The following ERMAP variants were observed in gnomAD, a reference collection of about 807,000 sequenced individuals.
The protein encoded by ERMAP is erythroblast membrane associated protein (Scianna blood group).
Under a neutral mutation model 49.5 loss-of-function variants are expected in ERMAP, and 34 were observed. That is an observed-to-expected ratio of 0.69 (90% CI 0.52 to 0.91). ERMAP has a LOEUF of 0.91. Ranked by LOEUF, ERMAP falls within the 40% of genes least tolerant of loss-of-function variation. ERMAP has a pLI of 0.00. For missense variants in ERMAP, 541 were observed against 582.6 expected (o/e 0.93, Z 0.74); for synonymous variants, 214 against 232.2 (o/e 0.92, Z 0.71).
At chr1:42,838,452 C>A (rs1260221039) in intron 7 of ERMAP, among the ~76,000 whole-genome samples, 1 of 152,184 alleles carries the variant, frequency 6.6e-6, no homozygotes, top group Non-Finnish European at 1.5e-5. Flanking sequence ...CTTCTGGGAC[C>A]TCCAATTTGT....
At position 42,819,170 on chromosome 1, in the gene ERMAP, CGTGTGTGTGT is replaced by C. The variant is rs145113385; in HGVS notation, c.-122+1945_-122+1954del. Among the ~76,000 whole-genome samples, 832 of 142,532 alleles carry C rather than the reference CGTGTGTGTGT, an allele frequency of 5.8e-3. 2 individuals carry two copies. Among genetic ancestry groups the C allele is most frequent in the Middle Eastern group, 0.011 (3 of 284 alleles). 93.5% of individuals were successfully genotyped at this position (142,532 alleles called of 152,430 possible). The stretch of plus-strand genomic sequence containing the variant: ...GGTGAGGAAGAGGATAAGTTAGGAG[CGTGTGTGTGT>C]GTGTGTGTGTGTGTGTGTGTGTGTG... On this transcript the variant is annotated intron_variant, in intron 1 of 11. Transcript: ENST00000372517. The surrounding 1 kb of genome is among the most constrained non-coding windows in gnomAD (Gnocchi z 5.1).
At position 42,844,488 on chromosome 1, in the gene ERMAP, GTTATTATAAGGAATTGGCTCACGTGA is replaced by G. The variant is rs1181912988; in HGVS notation, c.*1261_*1286del. 4 of 171,750 alleles carry G rather than the reference GTTATTATAAGGAATTGGCTCACGTGA, an allele frequency of 2.3e-5. No individual in the cohort carries two copies. The highest frequency in any genetic ancestry group is 4.0e-4 in the South Asian group (2 of 4,970). 10.6% of individuals were successfully genotyped at this position (171,750 alleles called of 1,614,324 possible). ...TATATATTGGGGCAGGGGGGCGGTG[GTTATTATAAGGAATTGGCTCACGTGA>G]TTATGGAGGCGGTTAAATCCCAAGA... is the stretch of plus-strand genomic sequence containing the variant. On this transcript the variant is annotated 3_prime_UTR_variant, in exon 12 of 12. Transcript: ENST00000372517. The surrounding 1 kb of genome is among the most constrained non-coding windows in gnomAD (Gnocchi z 4.0).
chr1:42,835,690 A>G, intron 5 of ERMAP, 42 bp from the exon 6 acceptor site: 1 of 1,610,386 alleles, frequency 6.2e-7, no homozygotes, highest in South Asian at 1.1e-5. Context: ...TGTTAGAAAA[A>G]GCCCTTCCTA....
chr1:42,840,101 T>C, intron 9 of ERMAP, 48 bp downstream of exon 9: 1 of 1,614,240 alleles, frequency 6.2e-7, no homozygotes, highest in Non-Finnish European at 8.5e-7. Context: ...TATCTCCTGT[T>C]GCCCTAATAT....
chr1:42,817,511 T>A (rs1051406961), intron 1 of ERMAP: 1 of 159,426 alleles, frequency 6.3e-6, no homozygotes, highest in African/African-American at 2.4e-5. Context: ...CAAAGCTTTT[T>A]CCCGTTATAT....
At chr1:42,834,907 C>A (rs965598147) in intron 4 of ERMAP, 131 bp from the exon 5 acceptor site, 1 of 672,388 alleles carries the variant, frequency 1.5e-6, no homozygotes, top group Non-Finnish European at 2.7e-6. Flanking sequence ...AGCAAAGAGC[C>A]TCTTGGCCGG....
intron 2 of ERMAP, chr1:42,830,148 G>A (rs549651408): frequency 7.7e-6 from 3 of 387,694 alleles, no homozygotes; most frequent in East Asian, 5.1e-5. Flanking sequence ...CCTCACTCAC[G>A]GCATTTAGAG....
In ERMAP at chr1:42,840,167, C is replaced by T; in HGVS notation, c.674C>T (p.Ala225Val). The change falls in exon 10 of 12, where the codon GCA (alanine) becomes GTA (valine). Residue 225 changes from alanine to valine, a missense_variant. Physicochemically the swap from Ala to Val is moderately conservative, Grantham distance 64. Coordinates refer to ENST00000372517, the MANE Select transcript of ERMAP (RefSeq NM_001017922.2). ...TCTTTCATAGAGTTGAAAAGAGCTGCAGCAAACTCAGGTGAGATGCACTTT... is the reference window on the plus strand; with the variant it reads ...TCTTTCATAGAGTTGAAAAGAGCTGTAGCAAACTCAGGTGAGATGCACTTT... ...LRSELKLKRAAANSGWRRARL... is the reference protein window; with the variant it reads ...LRSELKLKRAVANSGWRRARL... 6.2e-7 allele frequency: 1 copy of T among 1,614,168 alleles called. No homozygotes were observed.
At chr1:42,830,283 A>G in intron 2 of ERMAP, 161 bp from the exon 3 acceptor site, 2 of 617,494 alleles carry the variant, frequency 3.2e-6, no homozygotes, top group East Asian at 5.5e-5. Context: ...AAGTTCGGTC[A>G]CAGTATCACA....
intron 2 of ERMAP, among the ~76,000 whole-genome samples, chr1:42,829,595 G>A (rs1654653888): frequency 6.6e-6 from 1 of 152,204 alleles, no homozygotes; most frequent in Non-Finnish European, 1.5e-5. Flanking sequence ...GGGTCTCCCT[G>A]TGATTCATGC....
At chr1:42,822,160 A>G (rs1654421381) in intron 1 of ERMAP, among the ~76,000 whole-genome samples, 1 of 151,826 alleles carries the variant, frequency 6.6e-6, no homozygotes, top group Non-Finnish European at 1.5e-5. Context: ...ACTGCTTTAT[A>G]TTTATATAAA....
chr1:42,839,923 T>C, intron 8 of ERMAP, 110 bp from the exon 9 acceptor site: 1 of 1,095,752 alleles, frequency 9.1e-7, no homozygotes. Flanking sequence ...TTCCAGGGTA[T>C]AGCTATTGAG....
At chr1:42,839,989 T>C (rs747579468) in intron 8 of ERMAP, 44 bp from the exon 9 acceptor site, 4 of 1,610,792 alleles carry the variant, frequency 2.5e-6, no homozygotes, top group Non-Finnish European at 3.4e-6. Flanking sequence ...GGCCTCTACA[T>C]AGAGGCCCTC....
chr1:42,825,499 C>T, intron 1 of ERMAP, 124 bp from the exon 2 acceptor site: 6 of 1,184,820 alleles, frequency 5.1e-6, no homozygotes, highest in Non-Finnish European at 6.4e-6. Flanking sequence ...TTATCAGGGG[C>T]ATACAGACAG....
At position 42,842,617 on chromosome 1, in the gene ERMAP, C is replaced by A. The variant is rs1382794613; in HGVS notation, c.813C>A (p.Asp271Glu). The stretch of plus-strand genomic sequence containing the variant: ...GAGACAGACGGCAGCCTGTACCTGA[C>A]AACCCCCAGAGATTTGATTTCGTTG... ...RLGDRRQPVPDNPQRFDFVVS... is the reference protein window; with the variant it reads ...RLGDRRQPVPENPQRFDFVVS... Residue 271 changes from aspartate to glutamate, a missense_variant, in exon 12 of 12, where the codon GAC (aspartate) becomes GAA (glutamate). Physicochemically the swap from Asp to Glu is conservative, Grantham distance 45. Coordinates refer to ENST00000372517, the MANE Select transcript of ERMAP (RefSeq NM_001017922.2). The A allele has an allele frequency of 1.9e-6, 3 of 1,614,198 alleles. No individual in the cohort carries two copies. The Admixed American group carries it at 5.0e-5, about 27-fold the overall frequency.
chr1:42,842,327 G>A (rs1655079292), intron 11 of ERMAP, among the ~76,000 whole-genome samples, 190 bp from the exon 12 acceptor site: 1 of 152,070 alleles, frequency 6.6e-6, no homozygotes, highest in South Asian at 2.1e-4. Context: ...CTTAGTAATC[G>A]ACCAGGAGAC....
At chr1:42,828,757 C>T (rs1037708750) in intron 2 of ERMAP, among the ~76,000 whole-genome samples, 2 of 152,058 alleles carry the variant, frequency 1.3e-5, no homozygotes, top group Non-Finnish European at 2.9e-5. Context: ...CTTGGCCTCC[C>T]GAAAGTGCAG....
chr1:42,835,414 C>G (rs1185396655), intron 5 of ERMAP, among the ~76,000 whole-genome samples: 1 of 152,152 alleles, frequency 6.6e-6, no homozygotes, highest in Non-Finnish European at 1.5e-5. Context: ...CTATGCCAGC[C>G]TTCTAATTAA....
At position 42,840,055 on chromosome 1, in the gene ERMAP, T is replaced by C; in HGVS notation, c.658+2T>C. 1 of 1,614,126 alleles carries C rather than the reference T, an allele frequency of 6.2e-7. No homozygotes were observed. On this transcript the variant is annotated splice_donor_variant, in intron 9 of 11. Coordinates refer to ENST00000372517, the MANE Select transcript of ERMAP (RefSeq NM_001017922.2). LOFTEE classifies it high-confidence loss of function. ...TAGAGAAACTCCGGAGTGAACTGAG[T>C]AAGTTTCCCATGTTCTTGTAACTTC...
Sources: allele counts gnomAD v4.1 joint callset (sites outside exome capture counted in the v4.1 genomes callset), GRCh38; gene constraint gnomAD v4.1.1; non-coding constraint Gnocchi (gnomAD v3.1); transcripts MANE v1.5; gene names NCBI Gene and HGNC (gene_info 2026-07-23, HGNC 2026-07-21).